Variants in ANKRD30B observed in about 807,000 individuals in gnomAD.
ANKRD30B encodes ankyrin repeat domain-containing protein 30B.
In ANKRD30B, 144 loss-of-function variants were observed where a neutral mutation model predicts 202.2. That is an observed-to-expected ratio of 0.71 (90% CI 0.62 to 0.82). The LOEUF (loss-of-function observed/expected upper bound fraction) is 0.82. Among genes scored for constraint, ANKRD30B ranks in the 40% least tolerant of loss-of-function variants. The pLI is 0.00. For missense variants in ANKRD30B, 1,487 were observed against 1,669.1 expected (o/e 0.89, Z 1.90); for synonymous variants, 508 against 561.3 (o/e 0.91, Z 1.34).
At chr18:14,758,703 C>A (rs978651712) in intron 5 of ANKRD30B, among the ~76,000 whole-genome samples, 3 of 152,158 alleles carry the variant, frequency 2.0e-5, no homozygotes, top group African/African-American at 7.2e-5. Context: ...CACATCTTAG[C>A]CCGGACTTGG....
intron 12 of ANKRD30B, among the ~76,000 whole-genome samples, 193 bp downstream of exon 12, chr18:14,782,807 C>A (rs868551792): frequency 2.0e-5 from 3 of 151,868 alleles, no homozygotes; most frequent in Non-Finnish European, 4.4e-5. Context: ...AAGAAAAAAA[C>A]CGAATTATTT....
chr18:14,839,694 AT>A (rs1971332468), intron 36 of ANKRD30B, among the ~76,000 whole-genome samples: 1 of 152,136 alleles, frequency 6.6e-6, no homozygotes, highest in Non-Finnish European at 1.5e-5. Context: ...ATAAATATAA[AT>A]TTTCCTTATG....
chr18:14,817,999 G>A (rs1241572986), intron 30 of ANKRD30B, among the ~76,000 whole-genome samples: 1 of 151,856 alleles, frequency 6.6e-6, no homozygotes, highest in East Asian at 1.9e-4. Context: ...ATCTCTGAAG[G>A]GAAACAGCAT....
downstream of ANKRD30B, among the ~76,000 whole-genome samples, chr18:14,856,418 G>A (rs972432864): frequency 8.0e-6 from 1 of 124,954 alleles, no homozygotes; most frequent in Admixed American, 7.8e-5. Flanking sequence ...ACTTCCCAGA[G>A]GGGGTGGCCG....
downstream of ANKRD30B, among the ~76,000 whole-genome samples, chr18:14,855,633 C>A (rs373574129): frequency 4.2e-3 from 624 of 149,462 alleles, 5 homozygotes; most frequent in Middle Eastern, 7.1e-3. Flanking sequence ...AGATGAAGGG[C>A]AGCCAGGCAG....
the ANKRD30B span, among the ~76,000 whole-genome samples, chr18:14,922,465 C>T: frequency 4.0e-5 from 6 of 151,552 alleles, no homozygotes; most frequent in Admixed American, 3.3e-4. Context: ...ATCATCCTGG[C>T]TAACACGGTG....
the ANKRD30B span, among the ~76,000 whole-genome samples, chr18:14,899,923 C>T: frequency 6.6e-6 from 1 of 152,120 alleles, no homozygotes; most frequent in East Asian, 1.9e-4. Flanking sequence ...ATCATTGTGA[C>T]TTCATTAAAT....
At chr18:14,827,848 T>C (rs1168896238) in intron 32 of ANKRD30B, among the ~76,000 whole-genome samples, 1 of 152,184 alleles carries the variant, frequency 6.6e-6, no homozygotes, top group Admixed American at 6.5e-5. Context: ...GATCAAATTG[T>C]GATAAATTCC....
At position 14,795,969 on chromosome 18, in the gene ANKRD30B, C is replaced by A. The variant is rs562105390; in HGVS notation, c.1826-252C>A. ...AGGATTTTTCTAATTTAGTTATTGT[C>A]AGTTGAAATATATTTTGATTGTTAA... On this transcript the variant is annotated intron_variant, in intron 16 of 43. Transcript: ENST00000690538. Among the ~76,000 whole-genome samples, 4 of 151,570 alleles carry A rather than the reference C, an allele frequency of 2.6e-5. No individual in the cohort carries two copies. In the East Asian group the frequency reaches 5.8e-4, roughly 22 times the overall value.
the ANKRD30B span, among the ~76,000 whole-genome samples, chr18:14,919,331 C>T: frequency 6.6e-6 from 1 of 152,218 alleles, no homozygotes; most frequent in African/African-American, 2.4e-5. Context: ...CAGCAGCCAT[C>T]CTGGAGGTGA....
At chr18:14,911,175 T>A in the ANKRD30B span, among the ~76,000 whole-genome samples, 1 of 152,168 alleles carries the variant, frequency 6.6e-6, no homozygotes, top group Admixed American at 6.5e-5. Flanking sequence ...TTTTGAGGAC[T>A]TAGTCATACA....
At chr18:14,932,273 AG>A in the ANKRD30B span, among the ~76,000 whole-genome samples, 4 of 151,680 alleles carry the variant, frequency 2.6e-5, no homozygotes, top group African/African-American at 9.7e-5. Context: ...AGTGGCCTCC[AG>A]GGCTGCCTTT....
chr18:14,873,869 C>T, the ANKRD30B span, among the ~76,000 whole-genome samples: 5 of 152,090 alleles, frequency 3.3e-5, no homozygotes, highest in African/African-American at 4.8e-5. Context: ...CCATTTAACT[C>T]GGTGTCAAGT....
At chr18:14,860,373 ACTTCC>A in the ANKRD30B span, among the ~76,000 whole-genome samples, 1 of 117,172 alleles carries the variant, frequency 8.5e-6, no homozygotes, top group Non-Finnish European at 1.8e-5. Flanking sequence ...GGCGCTCCTC[ACTTCC>A]CAGAGGGGGT....
At chr18:14,854,679 G>A (rs1214437919), downstream of ANKRD30B, among the ~76,000 whole-genome samples, 1 of 152,106 alleles carries the variant, frequency 6.6e-6, no homozygotes. Context: ...AAATTTCCTT[G>A]TTTTGTGGAA....
chr18:14,876,992 A>G, the ANKRD30B span, among the ~76,000 whole-genome samples: 3,044 of 152,370 alleles, frequency 0.02, 51 homozygotes, highest in Non-Finnish European at 0.032. Flanking sequence ...GAATGCATCA[A>G]ATACAAGGAT....
the ANKRD30B span, among the ~76,000 whole-genome samples, chr18:14,917,708 C>T: frequency 6.6e-6 from 1 of 152,328 alleles, no homozygotes; most frequent in South Asian, 2.1e-4. Flanking sequence ...ACTAATGTTC[C>T]TCAGGGATGA....
intron 42 of ANKRD30B, chr18:14,852,885 G>A (rs1971948062): frequency 6.6e-6 from 1 of 152,244 alleles, no homozygotes; most frequent in Admixed American, 6.5e-5. Flanking sequence ...GTACATTTCT[G>A]CATCTTGTAA....
chr18:14,900,824 T>C, the ANKRD30B span, among the ~76,000 whole-genome samples: 1 of 152,194 alleles, frequency 6.6e-6, no homozygotes, highest in Non-Finnish European at 1.5e-5. Context: ...TGCTGGAATT[T>C]GGATTCTACC....
Sources: gnomAD v4.1 joint callset for allele counts (sites outside exome capture counted in the v4.1 genomes callset) on GRCh38, gnomAD v4.1.1 for gene constraint, MANE v1.5 for transcripts, NCBI Gene and HGNC (gene_info 2026-07-23, HGNC 2026-07-21) for gene names.